PCDH8: variants seen among roughly 807,000 people sequenced by gnomAD.
PCDH8 encodes protocadherin 8, also known as protocadherin-8.
PCDH8 carries 36 observed loss-of-function variants against 58.2 expected under a neutral mutation model. The observed-to-expected ratio is 0.62, with a 90% CI of 0.47 to 0.82. The LOEUF (loss-of-function observed/expected upper bound fraction) is 0.82. PCDH8 is among the 40% of genes least tolerant of loss of function. The probability of loss-of-function intolerance (pLI) is 0.00; values close to 1 mark genes in which losing one functional copy is unlikely to be tolerated. For synonymous variants in PCDH8, 775 were observed against 728.9 expected (o/e 1.06, Z -1.02); for missense variants, 1,493 against 1,567.8 (o/e 0.95, Z 0.81).
At position 52,844,521 on chromosome 13, in the gene PCDH8, G is replaced by C; in HGVS notation, c.*39C>G. The C allele has an allele frequency of 6.7e-7, 1 of 1,499,088 alleles. No individual in the cohort carries two copies. Among genetic ancestry groups the C allele is most frequent in the Non-Finnish European group, 8.9e-7 (1 of 1,120,682 alleles). The allele number at this position is 1,499,088 out of a possible 1,614,324, so 92.9% of individuals were successfully genotyped here. On this transcript the variant is annotated 3_prime_UTR_variant, in exon 3 of 3. Transcript: ENST00000377942. ...CCGGTCAATAACTTAGGGGCTTCTC[G>C]GAGTGACCTGTATATGTGTGAAGAC...
Position 52,844,871 on chromosome 13 carries a change from A to T in PCDH8, c.2902T>A (p.Ser968Thr). 6.3e-7 allele frequency: 1 copy of T among 1,590,300 alleles called. No individual in the cohort carries two copies. The highest frequency in any genetic ancestry group is 1.2e-5 in the South Asian group (1 of 86,420). The change falls in exon 3 of 3, where the codon TCC (serine) becomes ACC (threonine). Residue 968 changes from serine (S) to threonine (T), a missense_variant. Ser to Thr is a moderately conservative substitution (Grantham distance 58, BLOSUM62 1). Transcript: ENST00000377942. Reference protein sequence around the residue: ...LGHSDRCWSPSCSGPNAHPSP... With the variant: ...LGHSDRCWSPTCSGPNAHPSP... ...GGATGTGCGTTGGGCCCGCTGCAGG[A>T]TGGGCTCCAGCAGCGGTCAGAGTGG...
intron 2 of PCDH8, among the ~76,000 whole-genome samples, chr13:52,845,188 C>T (rs926071028): frequency 6.6e-6 from 1 of 152,088 alleles, no homozygotes; most frequent in African/African-American, 2.4e-5. Context: ...TAATGGCTAG[C>T]ATCACCCATG....
chr13:52,846,240 G>T lies in PCDH8; in HGVS notation c.2197C>A (p.Pro733Thr). Residue 733 changes from proline to threonine, a missense_variant, in exon 1 of 3, where the codon CCT (proline) becomes ACT (threonine). Around this residue, in one of 3 missense-constraint regions of PCDH8, gnomAD observed 1,307 missense variants for 1,362.7 expected, o/e 0.96. Transcript: ENST00000377942. ...SAGSPERSRP[P>T]GSRLGVSGSV... ...CCGGACACCCCGAGCCGAGAGCCAG[G>T]CGGGCGGGAACGCTCCGGGCTTCCT... 6.3e-7 allele frequency: 1 copy of T among 1,584,688 alleles called. No homozygotes were observed. Among genetic ancestry groups the T allele is most frequent in the Non-Finnish European group, 8.5e-7 (1 of 1,172,368 alleles).
At position 52,846,763 on chromosome 13, in the gene PCDH8, G is replaced by C. The variant is rs775250712; in HGVS notation, c.1674C>G (p.Thr558=). ...VSTYVSVDPA[T]GAIYALRSFD... is the part of the protein sequence containing the mutation. ...AGCTGCGCAGCGCGTAGATGGCTCC[G>C]GTAGCTGGGTCCACCGAGACATAAG... The change falls in exon 1 of 3, where the codon ACC becomes ACG. Residue 558 remains threonine, a synonymous_variant. Coordinates refer to ENST00000377942, the MANE Select transcript of PCDH8 (RefSeq NM_002590.4). The C allele has an allele frequency of 6.3e-7, 1 of 1,576,818 alleles. No individual in the cohort carries two copies. Among genetic ancestry groups the C allele is most frequent in the South Asian group, 1.1e-5 (1 of 87,480 alleles).
At position 52,842,904 on chromosome 13, in the gene PCDH8, T is replaced by G. The variant is rs938620521; in HGVS notation, c.*1656A>C. 2.0e-5 allele frequency: 3 copies of G among 152,246 alleles called. No homozygotes were observed. Among genetic ancestry groups the G allele is most frequent in the African/African-American group, 7.2e-5 (3 of 41,462 alleles). The allele number at this position is 152,246 out of a possible 1,614,324, so 9.4% of individuals were successfully genotyped here. A position where few individuals can be genotyped will look rare whatever the true frequency, so the allele number is the denominator to read the frequency against. On this transcript the variant is annotated 3_prime_UTR_variant, in exon 3 of 3. Transcript: ENST00000377942. ...AAACAACTTGTTTCATTACTTTGTT[T>G]TATTTTTTGCACTGAATAACCTAGG... is the stretch of plus-strand genomic sequence containing the variant.
At position 52,847,096 on chromosome 13, in the gene PCDH8, G is replaced by A. The variant is rs753428776; in HGVS notation, c.1341C>T (p.Tyr447=). 3.8e-6 allele frequency: 6 copies of A among 1,565,732 alleles called. No homozygotes were observed. Among genetic ancestry groups the A allele is most frequent in the Non-Finnish European group, 5.2e-6 (6 of 1,161,832 alleles). ...FRLQPAYAGS[Y]LVVTAASLDR... ...CCAGCGACGCCGCGGTCACCACCAG[G>A]TAGCTGCCCGCGTAGGCCGGCTGCA... Residue 447 remains tyrosine, a synonymous_variant, in exon 1 of 3, where the codon TAC becomes TAT. Coordinates refer to ENST00000377942, the MANE Select transcript of PCDH8 (RefSeq NM_002590.4).
chr13:52,846,167 G>A lies in PCDH8; in HGVS notation c.2270C>T (p.Ala757Val). ...GGCCAGCAGCAGCGTGCAGCTCCCG[G>A]CCAGCACGATGATGACGATCAGCGG... Reference protein sequence around the residue: ...DTPLIVIIVLAGSCTLLLAAI... With the variant: ...DTPLIVIIVLVGSCTLLLAAI... Residue 757 changes from alanine to valine, a missense_variant, in exon 1 of 3, where the codon GCC (alanine) becomes GTC (valine). This residue lies in a region of PCDH8 where 1,307 missense variants were observed against 1,362.7 expected (regional missense o/e 0.96). Transcript: ENST00000377942. The A allele has an allele frequency of 1.3e-6, 2 of 1,587,154 alleles. No homozygotes were observed. The highest frequency in any genetic ancestry group is 2.3e-5 in the East Asian group (1 of 43,504).
In PCDH8 at chr13:52,844,725, G is replaced by T. The variant is rs975652066; in HGVS notation, c.3048C>A (p.Ser1016Arg). 6.2e-7 allele frequency: 1 copy of T among 1,613,924 alleles called. No homozygotes were observed. The highest frequency in any genetic ancestry group is 1.7e-5 in the Admixed American group (1 of 60,004). Residue 1016 changes from serine (S) to arginine (R), a missense_variant, in exon 3 of 3, where the codon AGC becomes AGA. Ser to Arg is a moderately radical substitution (Grantham distance 110, BLOSUM62 -1). Around this residue, in one of 3 missense-constraint regions of PCDH8, gnomAD observed 182 missense variants for 178.9 expected, o/e 1.02. Coordinates refer to ENST00000377942, the MANE Select transcript of PCDH8 (RefSeq NM_002590.4). ...CTCTGTGCAGTACTTTCTCATAGAC[G>T]CTCTGCAGCCCCACTGTCTTGGGCA... ...AQLPKTVGLQ[S>R]VYEKVLHRDY...
At position 52,844,700 on chromosome 13, in the gene PCDH8, C is replaced by A. The variant is rs774691344; in HGVS notation, c.3073G>T (p.Asp1025Tyr). 1.9e-6 allele frequency: 3 copies of A among 1,614,170 alleles called. No homozygotes were observed. Among genetic ancestry groups the A allele is most frequent in the Non-Finnish European group, 2.5e-6 (3 of 1,180,028 alleles). Reference sequence around the variant, plus strand: ...AGCAGAGTGACTGTCCTGTCATAGTCTCTGTGCAGTACTTTCTCATAGACG... The same window carrying A: ...AGCAGAGTGACTGTCCTGTCATAGTATCTGTGCAGTACTTTCTCATAGACG... ...QSVYEKVLHR[D>Y]YDRTVTLLSP... The change falls in exon 3 of 3, where the codon GAC becomes TAC. Residue 1025 changes from aspartate (D) to tyrosine (Y), a missense_variant. Around this residue, in one of 3 missense-constraint regions of PCDH8, gnomAD observed 182 missense variants for 178.9 expected, o/e 1.02. Transcript: ENST00000377942.
Position 52,846,453 on chromosome 13 carries a change from A to C in PCDH8, c.1984T>G (p.Phe662Val). 6.3e-7 allele frequency: 1 copy of C among 1,599,242 alleles called. No homozygotes were observed. Among genetic ancestry groups the C allele is most frequent in the Non-Finnish European group, 8.5e-7 (1 of 1,179,428 alleles). The change falls in exon 1 of 3, where the codon TTC (phenylalanine) becomes GTC (valine). Residue 662 changes from phenylalanine (F) to valine (V), a missense_variant. Coordinates refer to ENST00000377942, the MANE Select transcript of PCDH8 (RefSeq NM_002590.4). ...TCCCCCGTGCGGCGGCCGATGGCGA[A>C]GGCTTCGCGCGGCTCCTGCTGCTGC... is the stretch of plus-strand genomic sequence containing the variant. ...ELQQQEPREA[F>V]AIGRRTGEIL...
At position 52,847,016 on chromosome 13, in the gene PCDH8, G is replaced by A. The variant is rs760151555; in HGVS notation, c.1421C>T (p.Ala474Val). Residue 474 changes from alanine to valine, a missense_variant, in exon 1 of 3, where the codon GCG becomes GTG. Coordinates refer to ENST00000377942, the MANE Select transcript of PCDH8 (RefSeq NM_002590.4). ...NLTLVAEDRG[A>V]PPLRTVRPYT... ...GGGCCGCACTGTGCGCAGCGGGGGCGCGCCGCGATCCTCGGCCACCAGCGT... is the reference window on the plus strand; with the variant it reads ...GGGCCGCACTGTGCGCAGCGGGGGCACGCCGCGATCCTCGGCCACCAGCGT... 5.1e-6 allele frequency: 8 copies of A among 1,567,364 alleles called. No homozygotes were observed. The South Asian group carries it at 8.2e-5, about 16-fold the overall frequency.
rs1470843613 is a variant in PCDH8, at chr13:52,846,802, C to T, written c.1635G>A (p.Gly545=). ...RLLEAEVGRA[G]GAVSTYVSVD... ...CCGAGACATAAGTGGACACGGCGCC[C>T]CCGGCGCGGCCCACCTCGGCCTCCA... The change falls in exon 1 of 3, where the codon GGG becomes GGA. Residue 545 remains glycine, a synonymous_variant. Coordinates refer to ENST00000377942, the MANE Select transcript of PCDH8 (RefSeq NM_002590.4). 6.4e-7 allele frequency: 1 copy of T among 1,552,970 alleles called. No individual in the cohort carries two copies.
At position 52,848,364 on chromosome 13, in the gene PCDH8, A is replaced by G; in HGVS notation, c.73T>C (p.Ser25Pro). 6.2e-7 allele frequency: 1 copy of G among 1,612,586 alleles called. No homozygotes were observed. The highest frequency in any genetic ancestry group is 8.5e-7 in the Non-Finnish European group (1 of 1,180,010). ...CGGACTGTTTTGCTCTGGGCCACTG[A>G]GAGCACCCAGCAGAGGCTGAAGAGC... The part of the protein sequence containing the change: ...LQLFSLCWVL[S>P]VAQSKTVRYS... Residue 25 changes from serine (S) to proline (P), a missense_variant, in exon 1 of 3, where the codon TCA becomes CCA. By Grantham distance (74) the Ser-to-Pro change is moderately conservative (BLOSUM62 -1). Around this residue, in one of 3 missense-constraint regions of PCDH8, gnomAD observed 1,307 missense variants for 1,362.7 expected, o/e 0.96. Coordinates refer to ENST00000377942, the MANE Select transcript of PCDH8 (RefSeq NM_002590.4).
Position 52,846,347 on chromosome 13 carries a change from C to G in PCDH8, c.2090G>C (p.Arg697Pro), listed in dbSNP as rs747136777. 4 of 1,562,988 alleles carry G rather than the reference C, an allele frequency of 2.6e-6. No homozygotes were observed. Among genetic ancestry groups the G allele is most frequent in the Non-Finnish European group, 3.5e-6 (4 of 1,156,344 alleles). ...RALLVISDGG[R>P]PPLTTTATVS... Reference sequence around the variant, plus strand: ...AGTTGCGGTGGTGGTGAGCGGGGGACGGCCGCCGTCGGATATGACCAGGAG... The same window carrying G: ...AGTTGCGGTGGTGGTGAGCGGGGGAGGGCCGCCGTCGGATATGACCAGGAG... Residue 697 changes from arginine (R) to proline (P), a missense_variant, in exon 1 of 3, where the codon CGT becomes CCT. Physicochemically the swap from Arg to Pro is moderately radical, Grantham distance 103. Transcript: ENST00000377942.
Position 52,844,636 on chromosome 13 carries a change from T to C in PCDH8, c.3137A>G (p.Glu1046Gly), listed in dbSNP as rs777479847. 1.5e-5 allele frequency: 24 copies of C among 1,613,694 alleles called. No homozygotes were observed. The South Asian group carries it at 2.4e-4, about 16-fold the overall frequency. Residue 1046 changes from glutamate (E) to glycine (G), a missense_variant, in exon 3 of 3, where the codon GAG becomes GGG. Transcript: ENST00000377942. ...GGACTGGTAGAGGGGTACTCCAATC[T>C]CCTGCAGGTCTGGGAGCCTCCCTGG... is the stretch of plus-strand genomic sequence containing the variant. ...PRPGRLPDLQ[E>G]IGVPLYQSPP...
rs549387106 is a variant in PCDH8, at chr13:52,844,323, T to C, written c.*237A>G. 1.5e-5 allele frequency: 5 copies of C among 333,322 alleles called. No homozygotes were observed. Among genetic ancestry groups the C allele is most frequent in the Admixed American group, 4.4e-5 (1 of 22,806 alleles). 20.6% of individuals were successfully genotyped at this position (333,322 alleles called of 1,614,324 possible). A position where few individuals can be genotyped will look rare whatever the true frequency, so the allele number is the denominator to read the frequency against. ...ACACTAAGAAAATGGCAAGCCGCAATTGAAATCAAAGTCAATAGCATAAGA... is the reference window on the plus strand; with the variant it reads ...ACACTAAGAAAATGGCAAGCCGCAACTGAAATCAAAGTCAATAGCATAAGA... On this transcript the variant is annotated 3_prime_UTR_variant, in exon 3 of 3. Coordinates refer to ENST00000377942, the MANE Select transcript of PCDH8 (RefSeq NM_002590.4).
rs756973241 is a variant in PCDH8 at position 52,844,641 on chromosome 13, C to A, written c.3132G>T (p.Leu1044=). Residue 1044 remains leucine, a synonymous_variant, in exon 3 of 3, where the codon CTG becomes CTT. Coordinates refer to ENST00000377942, the MANE Select transcript of PCDH8 (RefSeq NM_002590.4). ...SPPRPGRLPD[L]QEIGVPLYQS... The stretch of plus-strand genomic sequence containing the variant: ...GGTAGAGGGGTACTCCAATCTCCTG[C>A]AGGTCTGGGAGCCTCCCTGGACGGG... The A allele has an allele frequency of 6.2e-7, 1 of 1,613,838 alleles. No individual in the cohort carries two copies. The highest frequency in any genetic ancestry group is 8.5e-7 in the Non-Finnish European group (1 of 1,179,802).
chr13:52,844,851 T>G lies in PCDH8; in HGVS notation c.2922A>C (p.Ala974=), dbSNP rs1965704865. ...GGGCTGGTGGGTGAGGCGATGGATGTGCGTTGGGCCCGCTGCAGGATGGGC... is the reference window on the plus strand; with the variant it reads ...GGGCTGGTGGGTGAGGCGATGGATGGGCGTTGGGCCCGCTGCAGGATGGGC... ...CWSPSCSGPN[A]HPSPHPPAQM... The change falls in exon 3 of 3, where the codon GCA becomes GCC. Residue 974 remains alanine (A), a synonymous_variant. Coordinates refer to ENST00000377942, the MANE Select transcript of PCDH8 (RefSeq NM_002590.4). 2 of 1,605,864 alleles carry G rather than the reference T, an allele frequency of 1.2e-6. No homozygotes were observed. Among genetic ancestry groups the G allele is most frequent in the Non-Finnish European group, 1.7e-6 (2 of 1,175,732 alleles).
rs951157201 is a variant in PCDH8 at position 52,846,964 on chromosome 13, G to A, written c.1473C>T (p.Asn491=). 6.3e-7 allele frequency: 1 copy of A among 1,595,860 alleles called. No individual in the cohort carries two copies. Among genetic ancestry groups the A allele is most frequent in the Non-Finnish European group, 8.5e-7 (1 of 1,174,252 alleles). Residue 491 remains asparagine (N), a synonymous_variant, in exon 1 of 3, where the codon AAC becomes AAT. Transcript: ENST00000377942. ...RPYTVRVGDE[N]DNAPLFTRPV... ...GCCGCGTGAAGAGCGGCGCGTTGTC[G>A]TTCTCGTCGCCCACACGCACCGTGT...
Sources: gnomAD v4.1 joint callset for allele counts (sites outside exome capture counted in the v4.1 genomes callset) on GRCh38, gnomAD v4.1.1 for gene constraint, gnomAD v4.1.1 regional missense constraint, MANE v1.5 for transcripts, NCBI Gene and HGNC (gene_info 2026-07-23, HGNC 2026-07-21) for gene names.